LRRC49: variants seen among roughly 807,000 people sequenced by gnomAD.
The protein encoded by LRRC49 is leucine-rich repeat-containing protein 49.
A neutral mutation model predicts 83.3 loss-of-function variants in LRRC49; 50 were observed. The ratio of observed to expected loss-of-function variants is 0.60; its 90% CI spans 0.48 to 0.76. The LOEUF is 0.76. LRRC49 is among the 30% of genes least tolerant of loss of function. LRRC49 has a pLI of 0.00. For synonymous variants in LRRC49, 286 were observed against 283.3 expected, an observed-to-expected ratio of 1.01 and a Z score of -0.10; for missense variants, 704 against 809.1, an observed-to-expected ratio of 0.87 and a Z score of 1.58.
chr15:70,989,827 G>A (rs1361579530), intron 11 of LRRC49, among the ~76,000 whole-genome samples: 1 of 152,126 alleles, frequency 6.6e-6, no homozygotes, highest in African/African-American at 2.4e-5. Flanking sequence ...TGTCCTTTCT[G>A]TTTGTTAGTT....
At chr15:70,911,707 T>A in intron 6 of LRRC49, 109 bp downstream of exon 6, 1 of 665,598 alleles carries the variant, frequency 1.5e-6, no homozygotes, top group Non-Finnish European at 2.6e-6. Flanking sequence ...GTTTCTTTAT[T>A]GATTCACTGA....
intron 14 of LRRC49, among the ~76,000 whole-genome samples, chr15:71,035,099 G>T (rs568785526): frequency 6.6e-6 from 1 of 151,910 alleles, no homozygotes; most frequent in Non-Finnish European, 1.5e-5. Context: ...ACAAAGGTGA[G>T]AAAATTATAC....
intron 11 of LRRC49, among the ~76,000 whole-genome samples, chr15:70,989,365 T>G (rs1166284452): frequency 1.3e-5 from 2 of 152,172 alleles, no homozygotes; most frequent in African/African-American, 4.8e-5. Flanking sequence ...CTTCCCTTCT[T>G]GCTTCATTTC....
chr15:70,923,272 TAAC>T (rs2035073340), intron 7 of LRRC49, among the ~76,000 whole-genome samples: 1 of 152,044 alleles, frequency 6.6e-6, no homozygotes, highest in Non-Finnish European at 1.5e-5. Context: ...ATTGGTACTT[TAAC>T]GTTTGCTGAG....
At chr15:70,901,362 G>A (rs1031023428) in intron 4 of LRRC49, among the ~76,000 whole-genome samples, 1 of 152,086 alleles carries the variant, frequency 6.6e-6, no homozygotes, top group Non-Finnish European at 1.5e-5. Context: ...CTAGTTTCCT[G>A]TTACTTCACT....
At chr15:71,023,585 G>A (rs1348071812) in intron 14 of LRRC49, among the ~76,000 whole-genome samples, 2 of 151,832 alleles carry the variant, frequency 1.3e-5, no homozygotes, top group Non-Finnish European at 2.9e-5. Context: ...TGGTGCGATG[G>A]CCCACCTGAG....
intron 15 of LRRC49, among the ~76,000 whole-genome samples, chr15:71,046,410 T>C (rs2039856542): frequency 6.6e-6 from 1 of 152,214 alleles, no homozygotes; most frequent in Non-Finnish European, 1.5e-5. Context: ...TGGTGTGAGA[T>C]GGTATCTCAC....
intron 15 of LRRC49, among the ~76,000 whole-genome samples, chr15:71,043,439 A>C (rs2039757565): frequency 1.3e-5 from 2 of 152,222 alleles, no homozygotes; most frequent in Admixed American, 1.3e-4. Context: ...TTGTGAGACA[A>C]AAAGAGATGA....
At chr15:70,888,814 C>A (rs565972958), upstream of LRRC49, among the ~76,000 whole-genome samples, 8 of 152,266 alleles carry the variant, frequency 5.3e-5, no homozygotes, top group South Asian at 1.7e-3. Flanking sequence ...GGGCATGTCA[C>A]TGAAGGCTAC....
At chr15:70,893,387 A>G in intron 1 of LRRC49, 197 bp from the exon 2 acceptor site, 1 of 598,774 alleles carries the variant, frequency 1.7e-6, no homozygotes, top group South Asian at 2.1e-5. Flanking sequence ...TGGAAAATAA[A>G]TCAGTGAAAC....
chr15:70,980,208 G>A (rs761063282), intron 10 of LRRC49, 24 bp downstream of exon 10: 2 of 1,541,518 alleles, frequency 1.3e-6, no homozygotes, highest in Admixed American at 3.5e-5. Flanking sequence ...TGTCTACATG[G>A]ATGTGTGTGC....
rs1355817762 is a variant in LRRC49 at position 71,053,383 on chromosome 15, A to G, written c.*3771A>G. 1.3e-5 allele frequency: 2 copies of G among 152,218 alleles called. No homozygotes were observed. The highest frequency in any genetic ancestry group is 2.1e-4 in the South Asian group (1 of 4,832). The allele number at this position is 152,218 out of a possible 1,614,324, so 9.4% of individuals were successfully genotyped here. On this transcript the variant is annotated 3_prime_UTR_variant, in exon 16 of 16. Transcript: ENST00000260382. Reference sequence around the variant, plus strand: ...GATGAGAGCAATCTGTGAATGGAACATCTGCTGGGAGGAAGGATCAGGAAT... The same window carrying G: ...GATGAGAGCAATCTGTGAATGGAACGTCTGCTGGGAGGAAGGATCAGGAAT...
intron 7 of LRRC49, among the ~76,000 whole-genome samples, chr15:70,925,683 C>G (rs1020298687): frequency 1.3e-5 from 2 of 152,118 alleles, no homozygotes; most frequent in Admixed American, 6.5e-5. Flanking sequence ...ATGGAACACA[C>G]TTTTAGGATA....
upstream of LRRC49, chr15:70,892,246 G>A: frequency 6.3e-7 from 1 of 1,582,148 alleles, no homozygotes; most frequent in South Asian, 1.1e-5. Flanking sequence ...TGTTGCCGCA[G>A]TGGGCGGCCA....
At chr15:70,892,713 C>G, upstream of LRRC49, 1 of 1,473,976 alleles carries the variant, frequency 6.8e-7, no homozygotes, top group East Asian at 2.5e-5. Flanking sequence ...ACGAATACAA[C>G]TAGAAGCTGC....
chr15:70,962,616 A>G (rs902782406), intron 8 of LRRC49, among the ~76,000 whole-genome samples: 1 of 152,144 alleles, frequency 6.6e-6, no homozygotes, highest in African/African-American at 2.4e-5. Flanking sequence ...GCTCAGAAAA[A>G]GAAAAAAAAA....
intron 7 of LRRC49, among the ~76,000 whole-genome samples, chr15:70,928,646 A>C (rs866837245): frequency 2.0e-4 from 31 of 152,056 alleles, no homozygotes; most frequent in African/African-American, 7.0e-4. Flanking sequence ...GCTCACTGCA[A>C]GCTCCACCTC....
chr15:70,991,118 A>G (rs891194230), intron 11 of LRRC49, among the ~76,000 whole-genome samples: 4 of 152,188 alleles, frequency 2.6e-5, no homozygotes, highest in African/African-American at 7.2e-5. Flanking sequence ...TCCAGCTGTG[A>G]TCTATACTAT....
At chr15:71,045,548 CTT>C (rs2039829533) in intron 15 of LRRC49, among the ~76,000 whole-genome samples, 1 of 152,070 alleles carries the variant, frequency 6.6e-6, no homozygotes. Flanking sequence ...AGAGGTAAAA[CTT>C]ATATACTGAA....
Sources: allele counts gnomAD v4.1 joint callset (sites outside exome capture counted in the v4.1 genomes callset), GRCh38; gene constraint gnomAD v4.1.1; transcripts MANE v1.5; gene names NCBI Gene and HGNC (gene_info 2026-07-23, HGNC 2026-07-21).